DNAH12: variants seen among roughly 807,000 people sequenced by gnomAD.
DNAH12 encodes the protein axonemal beta dynein heavy chain 12.
Under a neutral mutation model 371.5 loss-of-function variants are expected in DNAH12, and 285 were observed. That is an observed-to-expected ratio of 0.77 (90% CI 0.70 to 0.85). The LOEUF (loss-of-function observed/expected upper bound fraction) is 0.85. Among genes scored for constraint, DNAH12 ranks in the 40% least tolerant of loss-of-function variants. DNAH12 has a pLI of 0.00. For missense variants in DNAH12, 3,611 were observed against 3,689.4 expected, an observed-to-expected ratio of 0.98 and a Z score of 0.55; for synonymous variants, 1,200 against 1,213.0, an observed-to-expected ratio of 0.99 and a Z score of 0.22.
At position 57,421,584 on chromosome 3, in the gene DNAH12, T is replaced by G. The variant is rs1381825671; in HGVS notation, c.5496A>C (p.Pro1832=). The stretch of plus-strand genomic sequence containing the variant: ...GGCATTCCCATTTACCCACAGAATC[T>G]GGCACTGGGTTTTCATCATCTTTTC... ...ILGKDDENPV[P]DSVGKWECPF... Residue 1832 remains proline, a synonymous_variant, in exon 36 of 74, where the codon CCA becomes CCC. Coordinates refer to ENST00000495027, the MANE Select transcript of DNAH12 (RefSeq NM_001366028.2). The G allele has an allele frequency of 1.9e-6, 3 of 1,551,660 alleles. No individual in the cohort carries two copies. The highest frequency in any genetic ancestry group is 2.6e-6 in the Non-Finnish European group (3 of 1,146,972).
chr3:57,342,800 T>C (rs1276695799), intron 60 of DNAH12, among the ~76,000 whole-genome samples: 1 of 151,850 alleles, frequency 6.6e-6, no homozygotes, highest in Non-Finnish European at 1.5e-5. Flanking sequence ...GAGGCTAGCA[T>C]GATGGTTCAT....
chr3:57,316,730 G>A (rs6802245), intron 65 of DNAH12, among the ~76,000 whole-genome samples: 48,414 of 151,944 alleles, frequency 0.32, 8,497 homozygotes, highest in African/African-American at 0.46. Flanking sequence ...GAGTTCTCAC[G>A]AGATCCGATG....
chr3:57,539,763 G>C (rs1407952456), intron 2 of DNAH12, among the ~76,000 whole-genome samples: 2 of 151,730 alleles, frequency 1.3e-5, no homozygotes, highest in African/African-American at 4.8e-5. Flanking sequence ...ACAGGTGCCT[G>C]CCACCATACC....
chr3:57,473,699 A>T (rs2066436868), intron 13 of DNAH12, among the ~76,000 whole-genome samples: 2 of 81,260 alleles, frequency 2.5e-5, no homozygotes, highest in African/African-American at 8.5e-5. Context: ...ATATATATAC[A>T]TACATCTATA....
At chr3:57,523,288 G>A (rs181366512) in intron 4 of DNAH12, among the ~76,000 whole-genome samples, 108 of 152,220 alleles carry the variant, frequency 7.1e-4, no homozygotes, top group Admixed American at 9.8e-4. Flanking sequence ...GGAGGCTGAG[G>A]TGGGAGGACT....
intron 60 of DNAH12, among the ~76,000 whole-genome samples, chr3:57,349,732 C>G (rs561366648): frequency 2.0e-5 from 3 of 152,344 alleles, no homozygotes; most frequent in Non-Finnish European, 4.4e-5. Flanking sequence ...CTCTGTAGCT[C>G]AAGCTGGAAT....
intron 60 of DNAH12, among the ~76,000 whole-genome samples, chr3:57,344,929 GGTGCT>G (rs1232087023): frequency 6.6e-6 from 1 of 152,002 alleles, no homozygotes; most frequent in African/African-American, 2.4e-5. Context: ...CAGGAGTTAA[GGTGCT>G]GACCCCCCAT....
intron 70 of DNAH12, among the ~76,000 whole-genome samples, chr3:57,299,471 G>T (rs1228373228): frequency 6.6e-6 from 1 of 151,618 alleles, no homozygotes; most frequent in Non-Finnish European, 1.5e-5. Context: ...GATTTATGCT[G>T]GGATTTTAGG....
chr3:57,501,027 T>A (rs567581112), intron 11 of DNAH12, among the ~76,000 whole-genome samples: 1 of 152,302 alleles, frequency 6.6e-6, no homozygotes, highest in South Asian at 2.1e-4. Flanking sequence ...GCAATCCTCT[T>A]GCCTTGGCGT....
At chr3:57,493,098 C>G (rs2067188159) in intron 11 of DNAH12, among the ~76,000 whole-genome samples, 1 of 152,038 alleles carries the variant, frequency 6.6e-6, no homozygotes, top group South Asian at 2.1e-4. Flanking sequence ...CAGGTTATAC[C>G]CAGACCACAA....
chr3:57,310,257 T>C (rs1354202858), intron 67 of DNAH12, among the ~76,000 whole-genome samples: 1 of 152,208 alleles, frequency 6.6e-6, no homozygotes, highest in Non-Finnish European at 1.5e-5. Context: ...TTCCTTTATC[T>C]AGTCATGTCT....
intron 13 of DNAH12, among the ~76,000 whole-genome samples, chr3:57,473,290 C>T (rs2066421151): frequency 6.6e-6 from 1 of 152,000 alleles, no homozygotes; most frequent in Non-Finnish European, 1.5e-5. Flanking sequence ...AGTTAGAGAC[C>T]AGCCTGGCCA....
At chr3:57,435,971 A>G (rs957141945) in intron 30 of DNAH12, among the ~76,000 whole-genome samples, 3 of 152,074 alleles carry the variant, frequency 2.0e-5, no homozygotes, top group African/African-American at 7.2e-5. Context: ...AGCAGGCTCA[A>G]AACATTTCTC....
At chr3:57,495,571 T>C (rs1170637278) in intron 11 of DNAH12, among the ~76,000 whole-genome samples, 1 of 106,774 alleles carries the variant, frequency 9.4e-6, no homozygotes, top group African/African-American at 3.5e-5. Context: ...GCGACAAGAG[T>C]GAGACTCCAT....
chr3:57,439,717 A>G (rs551106015), intron 29 of DNAH12, among the ~76,000 whole-genome samples: 2 of 151,680 alleles, frequency 1.3e-5, no homozygotes, highest in East Asian at 3.9e-4. Context: ...GAGCTTCTGC[A>G]TGGCAAAAGA....
intron 4 of DNAH12, chr3:57,519,557 G>C (rs2068332061): frequency 3.1e-6 from 2 of 648,884 alleles, no homozygotes; most frequent in South Asian, 3.5e-5. Context: ...CAGATCCATC[G>C]ACTCCTATTT....
chr3:57,462,458 G>T (rs905567677), intron 18 of DNAH12, among the ~76,000 whole-genome samples: 2 of 151,866 alleles, frequency 1.3e-5, no homozygotes, highest in African/African-American at 4.8e-5. Context: ...CACCATGTTG[G>T]CCAGGCTGGT....
At chr3:57,326,724 G>A (rs1031717993) in intron 62 of DNAH12, among the ~76,000 whole-genome samples, 3 of 152,160 alleles carry the variant, frequency 2.0e-5, no homozygotes, top group Non-Finnish European at 2.9e-5. Context: ...AACTTTAAAT[G>A]TAAATGGACT....
chr3:57,296,227 G>A (rs1399655250), intron 72 of DNAH12, 117 bp downstream of exon 72: 7 of 632,928 alleles, frequency 1.1e-5, no homozygotes, highest in African/African-American at 7.2e-5. Flanking sequence ...TTATGTGAGA[G>A]TTCTGATGTT....
Sources: allele counts gnomAD v4.1 joint callset (sites outside exome capture counted in the v4.1 genomes callset), GRCh38; gene constraint gnomAD v4.1.1; transcripts MANE v1.5; gene names NCBI Gene and HGNC (gene_info 2026-07-23, HGNC 2026-07-21).